ERBB3: variants seen among roughly 807,000 people sequenced by gnomAD.
The protein encoded by ERBB3 is erb-b2 receptor tyrosine kinase 3, also known as receptor tyrosine-protein kinase erbB-3.
ERBB3 carries 96 observed loss-of-function variants against 156.7 expected under a neutral mutation model. That is an observed-to-expected ratio of 0.61 (90% CI 0.52 to 0.73). The LOEUF is 0.73. Among genes scored for constraint, ERBB3 ranks in the 30% least tolerant of loss-of-function variants. The pLI is 0.00. For missense variants in ERBB3, 1,406 were observed against 1,709.4 expected, an observed-to-expected ratio of 0.82 and a Z score of 3.13; for synonymous variants, 567 against 632.0, an observed-to-expected ratio of 0.90 and a Z score of 1.54.
intron 3 of ERBB3, 181 bp downstream of exon 3, chr12:56,085,362 G>A: frequency 2.1e-6 from 3 of 1,462,752 alleles, no homozygotes; most frequent in South Asian, 1.4e-5. Flanking sequence ...GGGGAGCTAG[G>A]GGCATCTGCT....
Position 56,086,674 on chromosome 12 carries a change from A to T in ERBB3, c.547+18A>T. On this transcript the variant is annotated intron_variant, in intron 4 of 27. Transcript: ENST00000267101. ...CAGAAGCTGTAAGTGGCCGTGATCAAGATTGCTCCCCAGTCCCACCAAACC... is the reference window on the plus strand; with the variant it reads ...CAGAAGCTGTAAGTGGCCGTGATCATGATTGCTCCCCAGTCCCACCAAACC... 1 of 1,613,854 alleles carries T rather than the reference A, an allele frequency of 6.2e-7. No individual in the cohort carries two copies. Among genetic ancestry groups the T allele is most frequent in the Non-Finnish European group, 8.5e-7 (1 of 1,179,802 alleles).
At chr12:56,081,340 G>A (rs571250102) in intron 1 of ERBB3, among the ~76,000 whole-genome samples, 1 of 152,328 alleles carries the variant, frequency 6.6e-6, no homozygotes, top group African/African-American at 2.4e-5. Flanking sequence ...CCCCTTTGGG[G>A]TGTCTCTGGG....
intron 1 of ERBB3, among the ~76,000 whole-genome samples, chr12:56,081,819 G>A (rs1592224294): frequency 6.6e-6 from 1 of 152,088 alleles, no homozygotes; most frequent in Non-Finnish European, 1.5e-5. Context: ...GGTTGAGGAG[G>A]GGCTGGAGAT....
chr12:56,102,096 C>T lies in ERBB3; in HGVS notation c.*41C>T. Reference sequence around the variant, plus strand: ...GCACTCAGGGAGCATTTAATGGCAGCTAGTGCCTTTAGAGGGTACCGTCTT... The same window carrying T: ...GCACTCAGGGAGCATTTAATGGCAGTTAGTGCCTTTAGAGGGTACCGTCTT... On this transcript the variant is annotated 3_prime_UTR_variant, in exon 28 of 28. Coordinates refer to ENST00000267101, the MANE Select transcript of ERBB3 (RefSeq NM_001982.4). The T allele has an allele frequency of 6.4e-7, 1 of 1,564,660 alleles. No homozygotes were observed. The highest frequency in any genetic ancestry group is 8.7e-7 in the Non-Finnish European group (1 of 1,146,704).
rs1171426421 is a variant in ERBB3, at chr12:56,080,364, G to A, written c.64G>A (p.Val22Met). Reference protein sequence around the residue: ...LLFSLARGSEVGNSQAVCPGT... With the variant: ...LLFSLARGSEMGNSQAVCPGT... ...TTTCAGCCTGGCCCGGGGCTCCGAG[G>A]TGGGCAACTCTCAGGCAGGTAAGTG... is the stretch of plus-strand genomic sequence containing the variant. The change falls in exon 1 of 28, where the codon GTG becomes ATG. Residue 22 changes from valine (V) to methionine (M), a missense_variant. Transcript: ENST00000267101. 1.3e-6 allele frequency: 2 copies of A among 1,594,640 alleles called. No homozygotes were observed. Among genetic ancestry groups the A allele is most frequent in the Non-Finnish European group, 1.7e-6 (2 of 1,170,110 alleles).
Position 56,099,120 on chromosome 12 carries a change from T to C in ERBB3, c.2839+215T>C. 2 of 585,134 alleles carry C rather than the reference T, an allele frequency of 3.4e-6. 1 individual carries two copies. Among genetic ancestry groups the C allele is most frequent in the South Asian group, 4.1e-5 (2 of 48,756 alleles). 36.2% of individuals were successfully genotyped at this position (585,134 alleles called of 1,614,324 possible). ...ATTACAGGCGCCCGCCACACCTGGATAACTGTTACACTTTTAGTAGAGATG... is the reference window on the plus strand; with the variant it reads ...ATTACAGGCGCCCGCCACACCTGGACAACTGTTACACTTTTAGTAGAGATG... On this transcript the variant is annotated intron_variant, in intron 23 of 27. Coordinates refer to ENST00000267101, the MANE Select transcript of ERBB3 (RefSeq NM_001982.4).
At chr12:56,082,729 C>T (rs1868368151) in intron 1 of ERBB3, among the ~76,000 whole-genome samples, 1 of 152,180 alleles carries the variant, frequency 6.6e-6, no homozygotes, top group South Asian at 2.1e-4. Flanking sequence ...GCCCGTTGTC[C>T]ACCACATTTG....
intron 19 of ERBB3, 59 bp downstream of exon 19, chr12:56,096,905 G>A: frequency 7.6e-7 from 1 of 1,318,788 alleles, no homozygotes; most frequent in South Asian, 1.2e-5. Context: ...ATACAATCAT[G>A]TAGAAGCAGG....
At chr12:56,092,153 G>T (rs1868733640) in intron 9 of ERBB3, among the ~76,000 whole-genome samples, 1 of 151,352 alleles carries the variant, frequency 6.6e-6, no homozygotes, top group African/African-American at 2.4e-5. Context: ...ACTTTGGGAG[G>T]CCGAGGCGGG....
rs562044145 is a variant in ERBB3 at position 56,086,630 on chromosome 12, T to C, written c.521T>C (p.Ile174Thr). ...RDIVRDRDAE[I>T]VVKDNGRSCP... Reference sequence around the variant, plus strand: ...ATCGTGAGGGACCGAGATGCTGAGATAGTGGTGAAGGACAATGGCAGAAGC... The same window carrying C: ...ATCGTGAGGGACCGAGATGCTGAGACAGTGGTGAAGGACAATGGCAGAAGC... The change falls in exon 4 of 28, where the codon ATA becomes ACA. Residue 174 changes from isoleucine (I) to threonine (T), a missense_variant. Around this residue, in one of 3 missense-constraint regions of ERBB3, gnomAD observed 979 missense variants for 1,219.6 expected, o/e 0.80. Coordinates refer to ENST00000267101, the MANE Select transcript of ERBB3 (RefSeq NM_001982.4). The C allele has an allele frequency of 6.2e-7, 1 of 1,614,066 alleles. No individual in the cohort carries two copies. Among genetic ancestry groups the C allele is most frequent in the Admixed American group, 1.7e-5 (1 of 60,008 alleles).
Position 56,101,622 on chromosome 12 carries a change from A to G in ERBB3, c.3596A>G (p.Tyr1199Cys). 3.1e-6 allele frequency: 5 copies of G among 1,614,036 alleles called. No homozygotes were observed. The highest frequency in any genetic ancestry group is 4.2e-6 in the Non-Finnish European group (5 of 1,180,004). Residue 1199 changes from tyrosine to cysteine, a missense_variant, in exon 28 of 28, where the codon TAC (tyrosine) becomes TGC (cysteine). Coordinates refer to ENST00000267101, the MANE Select transcript of ERBB3 (RefSeq NM_001982.4). ...GAAGATGAAGATGAGGAGTATGAATACATGAACCGGAGGAGAAGGCACAGT... is the reference window on the plus strand; with the variant it reads ...GAAGATGAAGATGAGGAGTATGAATGCATGAACCGGAGGAGAAGGCACAGT... Reference protein sequence around the residue: ...EEEDEDEEYEYMNRRRRHSPP... With the variant: ...EEEDEDEEYECMNRRRRHSPP...
intron 9 of ERBB3, among the ~76,000 whole-genome samples, chr12:56,090,515 G>A (rs2136802928): frequency 6.6e-6 from 1 of 152,112 alleles, no homozygotes; most frequent in Non-Finnish European, 1.5e-5. Context: ...GTGGTGGTGT[G>A]CGCCTGTAGT....
At position 56,099,051 on chromosome 12, in the gene ERBB3, C is replaced by T. The variant is rs539533243; in HGVS notation, c.2839+146C>T. 58 of 740,628 alleles carry T rather than the reference C, an allele frequency of 7.8e-5. No homozygotes were observed. The South Asian group carries it at 8.5e-4, about 11-fold the overall frequency. The allele number at this position is 740,628 out of a possible 1,614,324, so 45.9% of individuals were successfully genotyped here. On this transcript the variant is annotated intron_variant, in intron 23 of 27. Transcript: ENST00000267101. ...TTGGCTCACTACAACCTCCGCCTCT[C>T]GGGTTCAAGAGATTCTCCTGCTTCA...
chr12:56,080,236 C>T lies in ERBB3; in HGVS notation c.-65C>T. 1 of 1,335,186 alleles carries T rather than the reference C, an allele frequency of 7.5e-7. No individual in the cohort carries two copies. Among genetic ancestry groups the T allele is most frequent in the Non-Finnish European group, 1.0e-6 (1 of 954,596 alleles). 82.7% of individuals were successfully genotyped at this position (1,335,186 alleles called of 1,614,324 possible). A position where few individuals can be genotyped will look rare whatever the true frequency, so the allele number is the denominator to read the frequency against. ...CCAGCGGTTCAGGTGGCTCTTGCCT[C>T]GATGTCCTAGCCTAGGGGCCCCCGG... On this transcript the variant is annotated 5_prime_UTR_variant, in exon 1 of 28. Coordinates refer to ENST00000267101, the MANE Select transcript of ERBB3 (RefSeq NM_001982.4).
intron 2 of ERBB3, among the ~76,000 whole-genome samples, 198 bp downstream of exon 2, chr12:56,084,100 A>G (rs576559805): frequency 6.6e-6 from 1 of 152,210 alleles, no homozygotes; most frequent in African/African-American, 2.4e-5. Context: ...CCAGGGATAT[A>G]TAGGGGGCAG....
At position 56,096,641 on chromosome 12, in the gene ERBB3, T is replaced by G. The variant is rs1382678780; in HGVS notation, c.2175+19T>G. The G allele has an allele frequency of 1.1e-5, 18 of 1,614,028 alleles. No homozygotes were observed. Among genetic ancestry groups the G allele is most frequent in the Non-Finnish European group, 1.4e-5 (16 of 1,180,024 alleles). ...GCACAAAGTGAGTGACCCATAGGAATTCTGGAGAGGTGGGGAAGGCATCTA... is the reference window on the plus strand; with the variant it reads ...GCACAAAGTGAGTGACCCATAGGAAGTCTGGAGAGGTGGGGAAGGCATCTA... On this transcript the variant is annotated intron_variant, in intron 18 of 27. Coordinates refer to ENST00000267101, the MANE Select transcript of ERBB3 (RefSeq NM_001982.4).
intron 3 of ERBB3, among the ~76,000 whole-genome samples, chr12:56,086,255 AG>A (rs1417803648): frequency 3.3e-5 from 5 of 151,734 alleles, no homozygotes; most frequent in African/African-American, 1.2e-4. Context: ...GGCTTGGGGG[AG>A]GGAATGTTGA....
At chr12:56,082,226 TTGTG>T (rs1266477253) in intron 1 of ERBB3, among the ~76,000 whole-genome samples, 1 of 152,178 alleles carries the variant, frequency 6.6e-6, no homozygotes, top group Non-Finnish European at 1.5e-5. Context: ...CGTGTGTACA[TTGTG>T]TGTGTATGTG....
Position 56,087,801 on chromosome 12 carries a change from A to G in ERBB3, c.620A>G (p.Lys207Arg), listed in dbSNP as rs752120492. The G allele has an allele frequency of 1.2e-6, 2 of 1,613,718 alleles. No individual in the cohort carries two copies. The highest frequency in any genetic ancestry group is 1.7e-6 in the Non-Finnish European group (2 of 1,179,654). ...GCTTTCTCTCCTTCCATAGTGACCA[A>G]GACCATCTGTGCTCCTCAGTGTAAT... ...PGSEDCQTLT[K>R]TICAPQCNGH... Residue 207 changes from lysine to arginine, a missense_variant, in exon 6 of 28, where the codon AAG becomes AGG. By Grantham distance (26) the Lys-to-Arg change is conservative. Coordinates refer to ENST00000267101, the MANE Select transcript of ERBB3 (RefSeq NM_001982.4).
Sources: allele counts gnomAD v4.1 joint callset (sites outside exome capture counted in the v4.1 genomes callset), GRCh38; gene constraint gnomAD v4.1.1; regional missense constraint gnomAD v4.1.1; transcripts MANE v1.5; gene names NCBI Gene and HGNC (gene_info 2026-07-23, HGNC 2026-07-21).